Variants in LONRF2 observed in about 807,000 individuals in gnomAD.
LONRF2 encodes the protein LON peptidase N-terminal domain and RING finger protein 2.
In LONRF2, 35 loss-of-function variants were observed where a neutral mutation model predicts 66.6. The observed-to-expected ratio is 0.53, with a 90% confidence interval of 0.40 to 0.70. The LOEUF is 0.70. Ranked by LOEUF, LONRF2 falls within the 30% of genes least tolerant of loss-of-function variation. The pLI is 0.00. For synonymous variants in LONRF2, 417 were observed against 418.1 expected (o/e 1.00, Z 0.03); for missense variants, 902 against 1,002.1 (o/e 0.90, Z 1.35).
chr2:100,289,174 AC>A (rs72545201), intron 10 of LONRF2, among the ~76,000 whole-genome samples: 8 of 124,072 alleles, frequency 6.4e-5, no homozygotes, highest in Non-Finnish European at 7.5e-5. Context: ...CGTGCTCACC[AC>A]CATGTTTCCG....
chr2:100,274,822 C>G lies in LONRF2; in HGVS notation c.*9476G>C, dbSNP rs566574602. On this transcript the variant is annotated 3_prime_UTR_variant, in exon 12 of 12. Transcript: ENST00000393437. Reference sequence around the variant, plus strand: ...GTTCTGCCTCCTGACCACTCTGGTGCGTCCTCCTCCTGTGGCCCTGCGTGG... The same window carrying G: ...GTTCTGCCTCCTGACCACTCTGGTGGGTCCTCCTCCTGTGGCCCTGCGTGG... 2.0e-5 allele frequency: 3 copies of G among 152,758 alleles called. No individual in the cohort carries two copies. Among genetic ancestry groups the G allele is most frequent in the Non-Finnish European group, 1.5e-5 (1 of 68,240 alleles). The allele number at this position is 152,758 out of a possible 1,614,324, so 9.5% of individuals were successfully genotyped here.
At chr2:100,309,301 A>G in intron 1 of LONRF2, 76 bp from the exon 2 acceptor site, 1 of 821,714 alleles carries the variant, frequency 1.2e-6, no homozygotes, top group South Asian at 1.7e-5. Flanking sequence ...CATTACATAT[A>G]TTAAAGTGTA....
At position 100,278,129 on chromosome 2, in the gene LONRF2, C is replaced by T. The variant is rs1674637115; in HGVS notation, c.*6169G>A. The T allele has an allele frequency of 6.6e-6, 1 of 152,164 alleles. No individual in the cohort carries two copies. The highest frequency in any genetic ancestry group is 2.1e-4 in the South Asian group (1 of 4,824). 9.4% of individuals were successfully genotyped at this position (152,164 alleles called of 1,614,324 possible). On this transcript the variant is annotated 3_prime_UTR_variant, in exon 12 of 12. Transcript: ENST00000393437. ...TTTCAAATTCTGGTCTGCAAACAGA[C>T]CCCGAAATGGGCCTCTATCTTGCAC... is the stretch of plus-strand genomic sequence containing the variant.
In LONRF2 at chr2:100,281,589, G is replaced by C. The variant is rs575162103; in HGVS notation, c.*2709C>G. On this transcript the variant is annotated 3_prime_UTR_variant, in exon 12 of 12. Transcript: ENST00000393437. ...GCATTTCAAAGACACAGGCAGGTTT[G>C]GGCGATGAATGGAAAAATACAGAAC... is the stretch of plus-strand genomic sequence containing the variant. 11 of 152,244 alleles carry C rather than the reference G, an allele frequency of 7.2e-5. No homozygotes were observed. The highest frequency in any genetic ancestry group is 2.6e-4 in the African/African-American group (11 of 41,530). 9.4% of individuals were successfully genotyped at this position (152,244 alleles called of 1,614,324 possible).
intron 3 of LONRF2, among the ~76,000 whole-genome samples, chr2:100,302,193 C>T (rs1675198195): frequency 6.6e-6 from 1 of 152,174 alleles, no homozygotes. Context: ...AAACGCCACT[C>T]TGTGAGAAAA....
At chr2:100,297,336 A>G (rs1249642887) in intron 7 of LONRF2, among the ~76,000 whole-genome samples, 1 of 151,662 alleles carries the variant, frequency 6.6e-6, no homozygotes, top group Non-Finnish European at 1.5e-5. Context: ...ACGGGGTTTC[A>G]CCGTGTTAGC....
At chr2:100,308,205 T>C (rs1461242953) in intron 2 of LONRF2, among the ~76,000 whole-genome samples, 2 of 140,934 alleles carry the variant, frequency 1.4e-5, no homozygotes, top group East Asian at 4.6e-4. Flanking sequence ...CTGTCTCTAC[T>C]AAAAAATACA....
intron 2 of LONRF2, among the ~76,000 whole-genome samples, chr2:100,307,174 C>T (rs1362563031): frequency 1.3e-5 from 2 of 152,114 alleles, no homozygotes; most frequent in Non-Finnish European, 2.9e-5. Context: ...CCCGTCTCGG[C>T]CTCCGAAAGT....
At chr2:100,307,006 C>T (rs949762032) in intron 2 of LONRF2, among the ~76,000 whole-genome samples, 2 of 150,960 alleles carry the variant, frequency 1.3e-5, no homozygotes, top group South Asian at 2.1e-4. Flanking sequence ...CTGCAACCTC[C>T]GCCTCCCGGG....
At chr2:100,307,922 A>G (rs1251757132) in intron 2 of LONRF2, among the ~76,000 whole-genome samples, 1 of 145,760 alleles carries the variant, frequency 6.9e-6, no homozygotes, top group Non-Finnish European at 1.5e-5. Context: ...GAGAAAGGGC[A>G]TTTGAAATTG....
At chr2:100,302,398 G>A (rs532557239) in intron 3 of LONRF2, among the ~76,000 whole-genome samples, 4 of 152,118 alleles carry the variant, frequency 2.6e-5, no homozygotes, top group African/African-American at 7.2e-5. Flanking sequence ...ACAGGGAAGC[G>A]CAAACATAAA....
chr2:100,291,809 T>G (rs1674965289), intron 9 of LONRF2, among the ~76,000 whole-genome samples: 1 of 152,070 alleles, frequency 6.6e-6, no homozygotes. Flanking sequence ...TCCAAAGCTC[T>G]CCCCAGCTCT....
chr2:100,303,085 C>T, intron 2 of LONRF2, 42 bp from the exon 3 acceptor site: 1 of 1,530,312 alleles, frequency 6.5e-7, no homozygotes, highest in Non-Finnish European at 8.8e-7. Flanking sequence ...TAAAACCCAG[C>T]ATGATTATAT....
At chr2:100,298,068 CATTTAATG>C (rs1251206829) in intron 7 of LONRF2, among the ~76,000 whole-genome samples, 8 of 152,166 alleles carry the variant, frequency 5.3e-5, no homozygotes, top group Admixed American at 3.3e-4. Context: ...TTATCAGTCT[CATTTAATG>C]AATGCAAAAC....
intron 1 of LONRF2, among the ~76,000 whole-genome samples, chr2:100,311,992 C>T (rs1207409488): frequency 2.6e-5 from 4 of 152,124 alleles, no homozygotes; most frequent in Admixed American, 2.6e-4. Context: ...CTAGCCTACA[C>T]ATTTTTTTTT....
chr2:100,292,335 T>A (rs1346090465), intron 9 of LONRF2, among the ~76,000 whole-genome samples: 2 of 152,172 alleles, frequency 1.3e-5, no homozygotes, highest in Non-Finnish European at 2.9e-5. Context: ...GCAAACTCCC[T>A]TCGTGAGTGC....
rs1674703763 is a variant in LONRF2, at chr2:100,280,853, CTG to C, written c.*3443_*3444del. On this transcript the variant is annotated 3_prime_UTR_variant, in exon 12 of 12. Coordinates refer to ENST00000393437, the MANE Select transcript of LONRF2 (RefSeq NM_198461.4). ...AGTTATACTGGGGAAAAATAAAACTCTGTGCTTTCAACTAAAAGAAATCACCC... is the reference window on the plus strand; with the variant it reads ...AGTTATACTGGGGAAAAATAAAACTCTGCTTTCAACTAAAAGAAATCACCC... 6.6e-6 allele frequency: 1 copy of C among 152,168 alleles called. No individual in the cohort carries two copies. 9.4% of individuals were successfully genotyped at this position (152,168 alleles called of 1,614,324 possible).
At chr2:100,293,477 G>A (rs377308941) in intron 9 of LONRF2, among the ~76,000 whole-genome samples, 1 of 152,258 alleles carries the variant, frequency 6.6e-6, no homozygotes, top group East Asian at 1.9e-4. Context: ...TCCTTTAAGA[G>A]CATGTGCACC....
intron 2 of LONRF2, among the ~76,000 whole-genome samples, chr2:100,303,273 G>A (rs10460478): frequency 0.49 from 74,001 of 151,984 alleles, 18,362 homozygotes; most frequent in East Asian, 0.73. Flanking sequence ...AGGAGCTACC[G>A]TACCTGAAAT....
Sources: allele counts gnomAD v4.1 joint callset (sites outside exome capture counted in the v4.1 genomes callset), GRCh38; gene constraint gnomAD v4.1.1; transcripts MANE v1.5; gene names NCBI Gene and HGNC (gene_info 2026-07-23, HGNC 2026-07-21).